The following SRD5A2 variants were observed in gnomAD, a reference collection of about 807,000 sequenced individuals.
SRD5A2 encodes the protein steroid 5 alpha-reductase 2.
SRD5A2 carries 30 observed loss-of-function variants against 27.4 expected under a neutral mutation model. The ratio of observed to expected loss-of-function variants is 1.10; its 90% CI spans 0.82 to 1.49. The LOEUF (loss-of-function observed/expected upper bound fraction) is 1.49. Among genes scored for constraint, SRD5A2 ranks in the 40% most tolerant of loss-of-function variants. SRD5A2 has a pLI of 0.00. For synonymous variants in SRD5A2, 141 were observed against 133.6 expected (o/e 1.06, Z -0.38); for missense variants, 348 against 323.4 (o/e 1.08, Z -0.58).
the SRD5A2 span, among the ~76,000 whole-genome samples, chr2:31,629,525 T>C: frequency 6.6e-6 from 1 of 152,136 alleles, no homozygotes; most frequent in Non-Finnish European, 1.5e-5. Context: ...CCGCCAGACT[T>C]AAGACTCAGG....
intron 1 of SRD5A2, among the ~76,000 whole-genome samples, chr2:31,574,920 T>C (rs1302665582): frequency 6.6e-6 from 1 of 152,236 alleles, no homozygotes; most frequent in Non-Finnish European, 1.5e-5. Context: ...GTTTACATAA[T>C]GTCTGTAGCT....
chr2:31,607,081 G>A, the SRD5A2 span, among the ~76,000 whole-genome samples: 4 of 151,858 alleles, frequency 2.6e-5, no homozygotes, highest in Non-Finnish European at 5.9e-5. Context: ...AGTTGAATAA[G>A]GAAGAAGAGA....
At chr2:31,611,773 G>A in the SRD5A2 span, among the ~76,000 whole-genome samples, 1 of 152,056 alleles carries the variant, frequency 6.6e-6, no homozygotes, top group Non-Finnish European at 1.5e-5. Context: ...CAGTTAAATA[G>A]ACATCTACCC....
At chr2:31,533,517 T>C (rs889410211) in intron 2 of SRD5A2, 86 bp downstream of exon 2, 131 of 1,259,182 alleles carry the variant, frequency 1.0e-4, no homozygotes, top group Non-Finnish European at 1.2e-4. Flanking sequence ...TACGAGGTCA[T>C]TGCAGTAGGG....
At chr2:31,660,846 TA>T in the SRD5A2 span, among the ~76,000 whole-genome samples, 4 of 148,780 alleles carry the variant, frequency 2.7e-5, no homozygotes, top group Non-Finnish European at 3.0e-5. Context: ...ATGCTGCTGT[TA>T]AAAAAAAAAG....
chr2:31,594,630 G>A, the SRD5A2 span, among the ~76,000 whole-genome samples: 2 of 152,112 alleles, frequency 1.3e-5, no homozygotes, highest in Admixed American at 6.6e-5. Context: ...ATACTCCACT[G>A]ACAGCATTAG....
In SRD5A2 at chr2:31,531,353, G is replaced by A; in HGVS notation, c.547+18C>T. The A allele has an allele frequency of 6.5e-7, 1 of 1,540,966 alleles. No homozygotes were observed. Among genetic ancestry groups the A allele is most frequent in the Non-Finnish European group, 8.8e-7 (1 of 1,132,868 alleles). ...GCTCCAGGGAAGAGTGAGAGTCTGG[G>A]GGCAGGGGAGACATTACCTTGTGGA... On this transcript the variant is annotated intron_variant, in intron 3 of 4. Transcript: ENST00000622030.
chr2:31,658,085 T>C, the SRD5A2 span, among the ~76,000 whole-genome samples: 1 of 151,982 alleles, frequency 6.6e-6, no homozygotes, highest in African/African-American at 2.4e-5. Context: ...TTTGGGAAGA[T>C]AAAACCACAC....
chr2:31,567,463 T>TAC lies in SRD5A2; in HGVS notation c.281+13156_281+13157insGT, dbSNP rs1666756839. ...GTGTGTGTGTGTGTGTGTGTATATA[T>TAC]ATATATATATCTACCAGTGCAGTTT... On this transcript the variant is annotated intron_variant, in intron 1 of 4. Transcript: ENST00000622030. Among the ~76,000 whole-genome samples the TAC allele has an allele frequency of 9.3e-5, 14 of 151,124 alleles. No individual in the cohort carries two copies. The South Asian group carries it at 2.9e-3, about 32-fold the overall frequency.
At chr2:31,644,536 C>A in the SRD5A2 span, among the ~76,000 whole-genome samples, 2 of 152,158 alleles carry the variant, frequency 1.3e-5, no homozygotes, top group Admixed American at 6.5e-5. Context: ...CAATAGGGTT[C>A]TTGCTCCTGT....
At chr2:31,656,325 T>C in the SRD5A2 span, among the ~76,000 whole-genome samples, 2 of 152,180 alleles carry the variant, frequency 1.3e-5, no homozygotes, top group Admixed American at 6.5e-5. Context: ...TTCTACCTTA[T>C]TGGCCATTCT....
chr2:31,599,248 A>G, the SRD5A2 span, among the ~76,000 whole-genome samples: 1 of 152,052 alleles, frequency 6.6e-6, no homozygotes, highest in South Asian at 2.1e-4. Flanking sequence ...CATTGAACAT[A>G]TCTTCCAGAC....
rs372825796 is a variant in SRD5A2 at position 31,580,915 on chromosome 2, C to T, written c.-15G>A. ...TGAACCTGCATCGCGCCGTGTTCCT[C>T]GCCGGTGGCCGCTGCCCTCCCAGAA... On this transcript the variant is annotated 5_prime_UTR_variant, in exon 1 of 5. Coordinates refer to ENST00000622030, the MANE Select transcript of SRD5A2 (RefSeq NM_000348.4). 2 of 1,587,078 alleles carry T rather than the reference C, an allele frequency of 1.3e-6. No homozygotes were observed. Among genetic ancestry groups the T allele is most frequent in the East Asian group, 2.3e-5 (1 of 44,254 alleles).
the SRD5A2 span, among the ~76,000 whole-genome samples, chr2:31,628,171 T>C: frequency 1.3e-5 from 2 of 152,172 alleles, no homozygotes; most frequent in African/African-American, 2.4e-5. Context: ...GGGGTGCATA[T>C]ATAGTTAGGA....
In SRD5A2 at chr2:31,525,804, T is replaced by G. The variant is rs1194956705; in HGVS notation, c.*392A>C. On this transcript the variant is annotated 3_prime_UTR_variant, in exon 5 of 5. Coordinates refer to ENST00000622030, the MANE Select transcript of SRD5A2 (RefSeq NM_000348.4). The stretch of plus-strand genomic sequence containing the variant: ...TAAAATGCATACCTTTAATAAGGTC[T>G]ATAAGTACTGCCTTCAAGTCAAAAA... 4 of 245,776 alleles carry G rather than the reference T, an allele frequency of 1.6e-5. No individual in the cohort carries two copies. The highest frequency in any genetic ancestry group is 3.2e-5 in the Non-Finnish European group (4 of 125,292). 15.2% of individuals were successfully genotyped at this position (245,776 alleles called of 1,614,324 possible). A position where few individuals can be genotyped will look rare whatever the true frequency, so the allele number is the denominator to read the frequency against.
At chr2:31,569,678 A>AAAAAACAAAC (rs1553328045) in intron 1 of SRD5A2, among the ~76,000 whole-genome samples, 1 of 30,278 alleles carries the variant, frequency 3.3e-5, no homozygotes, top group African/African-American at 1.2e-4. Flanking sequence ...AACAAAAAAC[A>AAAAAACAAAC]AAAAAAAAAA....
the SRD5A2 span, among the ~76,000 whole-genome samples, chr2:31,661,937 T>A: frequency 6.6e-6 from 1 of 152,164 alleles, no homozygotes; most frequent in Admixed American, 6.5e-5. Context: ...TCGGCCAAAC[T>A]TCTACTAATC....
At chr2:31,557,456 C>T (rs1047677758) in intron 1 of SRD5A2, among the ~76,000 whole-genome samples, 7 of 152,210 alleles carry the variant, frequency 4.6e-5, no homozygotes, top group African/African-American at 1.4e-4. Flanking sequence ...AAAGGCTTAA[C>T]TCAGTAAAAC....
the SRD5A2 span, among the ~76,000 whole-genome samples, chr2:31,643,475 T>G: frequency 6.6e-6 from 1 of 152,116 alleles, no homozygotes; most frequent in Non-Finnish European, 1.5e-5. Flanking sequence ...TATTTATATA[T>G]CTGTGTATTT....
Sources: gnomAD v4.1 joint callset for allele counts (sites outside exome capture counted in the v4.1 genomes callset) on GRCh38, gnomAD v4.1.1 for gene constraint, MANE v1.5 for transcripts, NCBI Gene and HGNC (gene_info 2026-07-23, HGNC 2026-07-21) for gene names.